The following PYGM variants were observed in gnomAD, a reference collection of about 807,000 sequenced individuals.
PYGM encodes the protein glycogen phosphorylase, muscle associated.
Under a neutral mutation model 99.3 loss-of-function variants are expected in PYGM, and 81 were observed. The ratio of observed to expected loss-of-function variants is 0.82; its 90% confidence interval spans 0.68 to 0.98. The LOEUF (loss-of-function observed/expected upper bound fraction) is 0.98. Among genes scored for constraint, PYGM ranks in the 50% least tolerant of loss-of-function variants. The pLI, the probability that PYGM is intolerant of heterozygous loss-of-function variation, is 0.00. For synonymous variants in PYGM, 436 were observed against 451.5 expected, an observed-to-expected ratio of 0.97 and a Z score of 0.44; for missense variants, 1,030 against 1,158.1, an observed-to-expected ratio of 0.89 and a Z score of 1.61.
At position 64,758,625 on chromosome 11, in the gene PYGM, G is replaced by A; in HGVS notation, c.323C>T (p.Ala108Val). The change falls in exon 2 of 20, where the codon GCC becomes GTC. Residue 108 changes from alanine (A) to valine (V), a missense_variant. Transcript: ENST00000164139. ...NTMVNLALEN[A>V]CDEATYQLGL... ...CACCTGGTAGGTGGCCTCGTCACAG[G>A]CATTCTCTAAGGCCAGGTTCACCAT... 1 of 1,613,624 alleles carries A rather than the reference G, an allele frequency of 6.2e-7. No homozygotes were observed. The highest frequency in any genetic ancestry group is 8.5e-7 in the Non-Finnish European group (1 of 1,179,572).
At chr11:64,747,138 A>T in intron 18 of PYGM, 86 bp downstream of exon 18, 1 of 1,584,058 alleles carries the variant, frequency 6.3e-7, no homozygotes, top group Non-Finnish European at 8.7e-7. Context: ...AACTACCAGG[A>T]CCCGCGTCCG....
chr11:64,759,736 C>T lies in PYGM; in HGVS notation c.163G>A (p.Ala55Thr), dbSNP rs1331894446. Residue 55 changes from alanine to threonine, a missense_variant, in exon 1 of 20, where the codon GCT becomes ACT. Transcript: ENST00000164139. Reference sequence around the variant, plus strand: ...TGGTCGCGCACGGTATGGGCCAGAGCAAAGTAGTAGTCTCGTGGGGTGGCC... The same window carrying T: ...TGGTCGCGCACGGTATGGGCCAGAGTAAAGTAGTAGTCTCGTGGGGTGGCC... ...NVATPRDYYF[A>T]LAHTVRDHLV... 1 of 1,614,224 alleles carries T rather than the reference C, an allele frequency of 6.2e-7. No individual in the cohort carries two copies.
chr11:64,760,102 G>T, upstream of PYGM: 2 of 810,348 alleles, frequency 2.5e-6, no homozygotes, highest in Non-Finnish European at 3.8e-6. Context: ...GGAGAGGAGA[G>T]GGGAGGGAGA....
At chr11:64,749,845 C>T (rs608261) in intron 17 of PYGM, among the ~76,000 whole-genome samples, 3,642 of 142,888 alleles carry the variant, frequency 0.025, 73 homozygotes, top group Non-Finnish European at 0.039. Context: ...CAGGCTGGAG[C>T]GCAGTGGCGC....
At position 64,754,529 on chromosome 11, in the gene PYGM, G is replaced by T; in HGVS notation, c.999+164C>A. The T allele has an allele frequency of 8.7e-7, 1 of 1,148,506 alleles. No homozygotes were observed. The highest frequency in any genetic ancestry group is 1.4e-5 in the South Asian group (1 of 69,250). 71.1% of individuals were successfully genotyped at this position (1,148,506 alleles called of 1,614,324 possible). On this transcript the variant is annotated intron_variant, in intron 8 of 19. Coordinates refer to ENST00000164139, the MANE Select transcript of PYGM (RefSeq NM_005609.4). The surrounding 1 kb of genome is among the most constrained non-coding windows in gnomAD (Gnocchi z 5.5). Reference sequence around the variant, plus strand: ...GGAGTGGGGCGGGAGGAGGAGGGAAGCCCAGGTTCTGAGCCTGTGGATTGT... The same window carrying T: ...GGAGTGGGGCGGGAGGAGGAGGGAATCCCAGGTTCTGAGCCTGTGGATTGT...
chr11:64,760,050 C>T, upstream of PYGM: 2 of 1,212,020 alleles, frequency 1.7e-6, no homozygotes, highest in South Asian at 1.5e-5. Flanking sequence ...ATGGGAGGGT[C>T]TTGGCCTGGC....
chr11:64,760,594 T>C (rs1592417900), upstream of PYGM, among the ~76,000 whole-genome samples: 1 of 152,220 alleles, frequency 6.6e-6, no homozygotes, highest in Non-Finnish European at 1.5e-5. Context: ...TGGCCAGCAT[T>C]GGCGGGAGGC....
chr11:64,747,973 G>A (rs181630369), intron 17 of PYGM: 14 of 163,996 alleles, frequency 8.5e-5, no homozygotes, highest in East Asian at 5.1e-4. Context: ...CCCGGGAGGC[G>A]GAGGTTGCAG....
At chr11:64,750,105 T>A (rs2058343823) in intron 17 of PYGM, among the ~76,000 whole-genome samples, 2 of 152,206 alleles carry the variant, frequency 1.3e-5, no homozygotes, top group South Asian at 4.1e-4. Flanking sequence ...AGCAAGGATT[T>A]TTTTACTTCC....
At position 64,753,099 on chromosome 11, in the gene PYGM, G is replaced by T; in HGVS notation, c.1492C>A (p.Pro498Thr). ...TCAGCAATGACCTCTGCCAGCCCGG[G>T]GTTACACAGAACCAGCCAGCGCCGA... ...TPRRWLVLCN[P>T]GLAEVIAERI... Residue 498 changes from proline to threonine, a missense_variant, in exon 12 of 20, where the codon CCC (proline) becomes ACC (threonine). By Grantham distance (38) the Pro-to-Thr change is conservative. Transcript: ENST00000164139. 6.2e-7 allele frequency: 1 copy of T among 1,613,780 alleles called. No homozygotes were observed. The highest frequency in any genetic ancestry group is 8.5e-7 in the Non-Finnish European group (1 of 1,179,692).
At chr11:64,760,061 A>C, upstream of PYGM, 1 of 1,123,858 alleles carries the variant, frequency 8.9e-7, no homozygotes, top group South Asian at 1.6e-5. Flanking sequence ...TTGGCCTGGC[A>C]GCTCAGGGAG....
intron 13 of PYGM, 136 bp from the exon 14 acceptor site, chr11:64,752,207 CAG>C: frequency 9.4e-6 from 13 of 1,377,912 alleles, no homozygotes; most frequent in Non-Finnish European, 1.3e-5. Context: ...TGTACCAGGG[CAG>C]ACATTGCTAA....
chr11:64,760,055 C>T, upstream of PYGM: 2 of 1,204,426 alleles, frequency 1.7e-6, no homozygotes, highest in Non-Finnish European at 2.3e-6. Flanking sequence ...AGGGTCTTGG[C>T]CTGGCAGCTC....
At position 64,746,629 on chromosome 11, in the gene PYGM, A is replaced by T. The variant is rs2058309215; in HGVS notation, c.*30T>A. On this transcript the variant is annotated 3_prime_UTR_variant, in exon 20 of 20. Coordinates refer to ENST00000164139, the MANE Select transcript of PYGM (RefSeq NM_005609.4). ...TGGCCCAAGAGAGTGTGACAGACTCAAGGGCTGGTTTGGGGTCTGGTCTGG... is the reference window on the plus strand; with the variant it reads ...TGGCCCAAGAGAGTGTGACAGACTCTAGGGCTGGTTTGGGGTCTGGTCTGG... 1 of 1,613,734 alleles carries T rather than the reference A, an allele frequency of 6.2e-7. No homozygotes were observed. The highest frequency in any genetic ancestry group is 8.5e-7 in the Non-Finnish European group (1 of 1,179,928).
At chr11:64,753,355 C>T (rs188848642) in intron 11 of PYGM, among the ~76,000 whole-genome samples, 164 bp downstream of exon 11, 114 of 152,234 alleles carry the variant, frequency 7.5e-4, no homozygotes, top group African/African-American at 2.6e-3. Context: ...CAGGACAGGG[C>T]GGCACTGGAA....
chr11:64,751,737 G>A lies in PYGM; in HGVS notation c.1769-82C>T, dbSNP rs554533233. 2,138 of 1,563,730 alleles carry A rather than the reference G, an allele frequency of 1.4e-3. 3 individuals carry two copies. The highest frequency in any genetic ancestry group is 3.4e-3 in the South Asian group (302 of 89,600). ...CTGACAGAGGCTGGGCTGGGACACC[G>A]TAGGCCTGACTCGAACAATCACTTG... On this transcript the variant is annotated intron_variant, in intron 14 of 19. Coordinates refer to ENST00000164139, the MANE Select transcript of PYGM (RefSeq NM_005609.4).
In PYGM at chr11:64,753,533, G is replaced by A; in HGVS notation, c.1389C>T (p.Ile463=). The A allele has an allele frequency of 6.3e-7, 1 of 1,594,650 alleles. No homozygotes were observed. Among genetic ancestry groups the A allele is most frequent in the South Asian group, 1.1e-5 (1 of 89,246 alleles). The change falls in exon 11 of 20, where the codon ATC becomes ATT. Residue 463 remains isoleucine, a synonymous_variant. Transcript: ENST00000164139. ...GCGGGGCTCACATGGTCTTCTTGAG[G>A]ATCTCGGAGTGGATGCGCGCCACGC... The part of the protein sequence containing the change: ...VNGVARIHSE[I]LKKTIFKDFY...
chr11:64,758,363 G>A lies in PYGM; in HGVS notation c.425-14C>T. 6.2e-7 allele frequency: 1 copy of A among 1,613,276 alleles called. No homozygotes were observed. Among genetic ancestry groups the A allele is most frequent in the Non-Finnish European group, 8.5e-7 (1 of 1,179,604 alleles). ...CAAGAAAGCAGGCTGGGGGTGTGCA[G>A]GGAGGTGGCTGTCAGGGACCCAGCA... On this transcript the variant is annotated splice_polypyrimidine_tract_variant and intron_variant, in intron 3 of 19. Transcript: ENST00000164139.
chr11:64,758,320 C>T lies in PYGM; in HGVS notation c.454G>A (p.Gly152Ser), dbSNP rs145285313. The T allele has an allele frequency of 3.0e-5, 49 of 1,613,928 alleles. No individual in the cohort carries two copies. The highest frequency in any genetic ancestry group is 3.9e-5 in the Non-Finnish European group (46 of 1,180,012). The stretch of plus-strand genomic sequence containing the variant: ...ATCCCGTAGCCATAGGCGGCCAGGC[C>T]CAGTGTTGCCATGGAGTCAAGAAAG... Reference protein sequence around the residue: ...ACFLDSMATLGLAAYGYGIRY... With the variant: ...ACFLDSMATLSLAAYGYGIRY... Residue 152 changes from glycine (G) to serine (S), a missense_variant, in exon 4 of 20, where the codon GGC (glycine) becomes AGC (serine). By Grantham distance (56) the Gly-to-Ser change is moderately conservative. Transcript: ENST00000164139.
Sources: gnomAD v4.1 joint callset for allele counts (sites outside exome capture counted in the v4.1 genomes callset) on GRCh38, gnomAD v4.1.1 for gene constraint, Gnocchi (gnomAD v3.1) non-coding constraint, MANE v1.5 for transcripts, NCBI Gene and HGNC (gene_info 2026-07-23, HGNC 2026-07-21) for gene names.